PRSS50: variants seen among roughly 807,000 people sequenced by gnomAD.
PRSS50 encodes the protein probable threonine protease PRSS50.
A neutral mutation model predicts 34.2 loss-of-function variants in PRSS50; 23 were observed. The ratio of observed to expected loss-of-function variants is 0.67; its 90% CI spans 0.48 to 0.95. The LOEUF (loss-of-function observed/expected upper bound fraction) is 0.95, where lower values mean the gene tolerates loss of function less well. Among genes scored for constraint, PRSS50 ranks in the 40% least tolerant of loss-of-function variants. The pLI is 0.00. For missense variants in PRSS50, 484 were observed against 513.4 expected, an observed-to-expected ratio of 0.94 and a Z score of 0.55; for synonymous variants, 224 against 211.2, an observed-to-expected ratio of 1.06 and a Z score of -0.53.
Position 46,712,418 on chromosome 3 carries a change from C to A in PRSS50, c.986G>T (p.Ser329Ile), listed in dbSNP as rs1367678217. The change falls in exon 6 of 6, where the codon AGC becomes ATC. Residue 329 changes from serine (S) to isoleucine (I), a missense_variant. Ser to Ile is a moderately radical substitution (Grantham distance 142). Coordinates refer to ENST00000315170, the MANE Select transcript of PRSS50 (RefSeq NM_013270.5). Reference sequence around the variant, plus strand: ...GCTCTTCTGGCAGCCTGCACCCCAGCTCACCAATCCCACCAGGTACCACGT... The same window carrying A: ...GCTCTTCTGGCAGCCTGCACCCCAGATCACCAATCCCACCAGGTACCACGT... ...EGTWYLVGLV[S>I]WGAGCQKSEA... 1 of 1,614,090 alleles carries A rather than the reference C, an allele frequency of 6.2e-7. No homozygotes were observed. Among genetic ancestry groups the A allele is most frequent in the East Asian group, 2.2e-5 (1 of 44,862 alleles).
chr3:46,714,532 A>G (rs760424597), intron 3 of PRSS50, 31 bp from the exon 4 acceptor site: 2 of 1,524,746 alleles, frequency 1.3e-6, no homozygotes, highest in Admixed American at 3.8e-5. Flanking sequence ...GGCCATGATC[A>G]GCTCCAGGCC....
chr3:46,715,013 T>C lies in PRSS50; in HGVS notation c.471-512A>G, dbSNP rs1265929979. 6.6e-6 allele frequency among the ~76,000 whole-genome samples: 1 copy of C among 152,210 alleles called. No individual in the cohort carries two copies. The highest frequency in any genetic ancestry group is 1.5e-5 in the Non-Finnish European group (1 of 68,038). Reference sequence around the variant, plus strand: ...TGTCAGCTCTCACAGCCAGCACTCCTGGCCCCAAAACATCAGAACACTCCC... The same window carrying C: ...TGTCAGCTCTCACAGCCAGCACTCCCGGCCCCAAAACATCAGAACACTCCC... On this transcript the variant is annotated intron_variant, in intron 3 of 5. Transcript: ENST00000315170. The surrounding 1 kb of genome is among the most constrained non-coding windows in gnomAD (Gnocchi z 5.2).
chr3:46,717,853 C>A lies in PRSS50; in HGVS notation c.-29G>T, dbSNP rs1321427795. 6.9e-7 allele frequency: 1 copy of A among 1,458,550 alleles called. No individual in the cohort carries two copies. The highest frequency in any genetic ancestry group is 9.0e-7 in the Non-Finnish European group (1 of 1,107,076). The allele number at this position is 1,458,550 out of a possible 1,614,324, so 90.4% of individuals were successfully genotyped here. A position where few individuals can be genotyped will look rare whatever the true frequency, so the allele number is the denominator to read the frequency against. ...GGGGTGGCAGCCGACTGCGTCTCTC[C>A]GGAAGGCGCTCCCAGTGCCGCCCCC... is the stretch of plus-strand genomic sequence containing the variant. On this transcript the variant is annotated 5_prime_UTR_variant, in exon 1 of 6. Coordinates refer to ENST00000315170, the MANE Select transcript of PRSS50 (RefSeq NM_013270.5). This position sits in a 1 kb window ranked among gnomAD's most constrained non-coding sequence, Gnocchi z 4.5.
In PRSS50 at chr3:46,716,529, G is replaced by C. The variant is rs565422250; in HGVS notation, c.308-832C>G. The stretch of plus-strand genomic sequence containing the variant: ...TCTTACTGCCTCAGCCTCCAAAAGC[G>C]CTGGGATTATAAGCATGACCCACTA... On this transcript the variant is annotated intron_variant, in intron 2 of 5. Coordinates refer to ENST00000315170, the MANE Select transcript of PRSS50 (RefSeq NM_013270.5). This position sits in a 1 kb window ranked among gnomAD's most constrained non-coding sequence, Gnocchi z 4.4. 1.3e-5 allele frequency among the ~76,000 whole-genome samples: 2 copies of C among 152,124 alleles called. No homozygotes were observed. The highest frequency in any genetic ancestry group is 6.5e-5 in the Admixed American group (1 of 15,274).
rs900357065 is a variant in PRSS50, at chr3:46,715,594, G to C, written c.411C>G (p.Ile137Met). 5.6e-6 allele frequency: 9 copies of C among 1,613,772 alleles called. No homozygotes were observed. In the African/African-American group the frequency reaches 9.3e-5, roughly 17 times the overall value. Residue 137 changes from isoleucine to methionine, a missense_variant, in exon 3 of 6, where the codon ATC becomes ATG. Transcript: ENST00000315170. The surrounding 1 kb of genome is among the most constrained non-coding windows in gnomAD (Gnocchi z 5.2). ...GGGAGGCAATGATGGTGCCGGCACA[G>C]ATGTGTGTGCCATTGGCCCGCACGC... Reference protein sequence around the residue: ...MVSVRANGTHICAGTIIASQW... With the variant: ...MVSVRANGTHMCAGTIIASQW...
In PRSS50 at chr3:46,717,598, G is replaced by C. The variant is rs1228932432; in HGVS notation, c.146C>G (p.Thr49Ser). 1 of 1,613,542 alleles carries C rather than the reference G, an allele frequency of 6.2e-7. No individual in the cohort carries two copies. Among genetic ancestry groups the C allele is most frequent in the African/African-American group, 1.3e-5 (1 of 75,062 alleles). ...GACGCTCTGGTCGGCGGGATCAGCA[G>C]TGGACAGCGCCCCCGGGGCTTCCCC... ...GAGEAPGALS[T>S]ADPADQSVQC... The change falls in exon 2 of 6, where the codon ACT (threonine) becomes AGT (serine). Residue 49 changes from threonine to serine, a missense_variant. Physicochemically the swap from Thr to Ser is moderately conservative, Grantham distance 58 (BLOSUM62 1). Transcript: ENST00000315170. This position sits in a 1 kb window ranked among gnomAD's most constrained non-coding sequence, Gnocchi z 4.5.
Position 46,712,431 on chromosome 3 carries a change from C to T in PRSS50, c.973G>A (p.Val325Met), listed in dbSNP as rs1470342720. The T allele has an allele frequency of 1.9e-6, 3 of 1,614,132 alleles. No homozygotes were observed. The highest frequency in any genetic ancestry group is 2.5e-6 in the Non-Finnish European group (3 of 1,179,996). ...CCTGCACCCCAGCTCACCAATCCCACCAGGTACCACGTGCCCTCCATGGAG... is the reference window on the plus strand; with the variant it reads ...CCTGCACCCCAGCTCACCAATCCCATCAGGTACCACGTGCCCTCCATGGAG... The part of the protein sequence containing the change: ...VCSMEGTWYL[V>M]GLVSWGAGCQ... The change falls in exon 6 of 6, where the codon GTG (valine) becomes ATG (methionine). Residue 325 changes from valine (V) to methionine (M), a missense_variant. By Grantham distance (21) the Val-to-Met change is conservative. Transcript: ENST00000315170.
At position 46,712,190 on chromosome 3, in the gene PRSS50, C is replaced by G; in HGVS notation, c.*56G>C. The G allele has an allele frequency of 1.4e-6, 2 of 1,457,662 alleles. No homozygotes were observed. The highest frequency in any genetic ancestry group is 1.9e-6 in the Non-Finnish European group (2 of 1,061,942). The allele number at this position is 1,457,662 out of a possible 1,614,324, so 90.3% of individuals were successfully genotyped here. ...CTCAGGGCTGTGACAGCTGCACCCACAGCAACCTGGGCACGGAGGCAAGGG... is the reference window on the plus strand; with the variant it reads ...CTCAGGGCTGTGACAGCTGCACCCAGAGCAACCTGGGCACGGAGGCAAGGG... On this transcript the variant is annotated 3_prime_UTR_variant, in exon 6 of 6. Transcript: ENST00000315170.
intron 5 of PRSS50, among the ~76,000 whole-genome samples, 170 bp from the exon 6 acceptor site, chr3:46,712,652 C>G (rs1049905878): frequency 2.0e-5 from 3 of 151,618 alleles, no homozygotes; most frequent in African/African-American, 7.3e-5. Flanking sequence ...GGTTTCATCC[C>G]CCACCTCTTA....
In PRSS50 at chr3:46,714,841, T is replaced by C. The variant is rs570014948; in HGVS notation, c.471-340A>G. On this transcript the variant is annotated intron_variant, in intron 3 of 5. Coordinates refer to ENST00000315170, the MANE Select transcript of PRSS50 (RefSeq NM_013270.5). Reference sequence around the variant, plus strand: ...TCTACTCTCAGTCCATAGCATGGACTCTTTCACCCCATGCTGTGCCCTGGA... The same window carrying C: ...TCTACTCTCAGTCCATAGCATGGACCCTTTCACCCCATGCTGTGCCCTGGA... 6.2e-4 allele frequency among the ~76,000 whole-genome samples: 95 copies of C among 152,196 alleles called. 1 individual carries two copies. Among genetic ancestry groups the C allele is most frequent in the Admixed American group, 1.4e-3 (21 of 15,286 alleles).
chr3:46,714,524 C>T, intron 3 of PRSS50, 23 bp from the exon 4 acceptor site: 2 of 1,539,392 alleles, frequency 1.3e-6, no homozygotes. Flanking sequence ...TGAGGGGAGG[C>T]CATGATCAGC....
chr3:46,713,035 T>G lies in PRSS50; in HGVS notation c.787A>C (p.Lys263Gln). The G allele has an allele frequency of 6.2e-7, 1 of 1,614,084 alleles. No individual in the cohort carries two copies. The highest frequency in any genetic ancestry group is 8.5e-7 in the Non-Finnish European group (1 of 1,179,994). The change falls in exon 5 of 6, where the codon AAG becomes CAG. Residue 263 changes from lysine to glutamine, a missense_variant. Physicochemically the swap from Lys to Gln is moderately conservative, Grantham distance 53 (BLOSUM62 1). Transcript: ENST00000315170. ...MWPQFRTIQE[K>Q]EVIILNNKEC... ...TTGTTGTTCAGGATGATGACTTCCT[T>G]CTCCTGAATGGTCCGGAACTGAGGC...
In PRSS50 at chr3:46,712,369, C is replaced by T. The variant is rs1253319349; in HGVS notation, c.1035G>A (p.Gln345=). 1 of 1,613,936 alleles carries T rather than the reference C, an allele frequency of 6.2e-7. No individual in the cohort carries two copies. Among genetic ancestry groups the T allele is most frequent in the East Asian group, 2.2e-5 (1 of 44,812 alleles). ...QKSEAPPIYL[Q]VSSYQHWIWD... is the part of the protein sequence containing the mutation. ...AGATCCAGTGTTGGTAGGAGGAGAC[C>T]TGTAGGTAGATGGGTGGGGCCTCGC... Residue 345 remains glutamine, a synonymous_variant, in exon 6 of 6, where the codon CAG becomes CAA. Coordinates refer to ENST00000315170, the MANE Select transcript of PRSS50 (RefSeq NM_013270.5).
chr3:46,712,199 GGGCACGGA>G lies in PRSS50; in HGVS notation c.*39_*46del. The G allele has an allele frequency of 6.7e-7, 1 of 1,499,496 alleles. No individual in the cohort carries two copies. The highest frequency in any genetic ancestry group is 9.1e-7 in the Non-Finnish European group (1 of 1,094,250). The allele number at this position is 1,499,496 out of a possible 1,614,324, so 92.9% of individuals were successfully genotyped here. A position where few individuals can be genotyped will look rare whatever the true frequency, so the allele number is the denominator to read the frequency against. The stretch of plus-strand genomic sequence containing the variant: ...GTGACAGCTGCACCCACAGCAACCT[GGGCACGGA>G]GGCAAGGGGGGCCCACAAGTGAGGG... On this transcript the variant is annotated 3_prime_UTR_variant, in exon 6 of 6. Transcript: ENST00000315170.
chr3:46,712,966 G>A lies in PRSS50; in HGVS notation c.856C>T (p.Leu286=). 1 of 1,614,210 alleles carries A rather than the reference G, an allele frequency of 6.2e-7. No individual in the cohort carries two copies. The highest frequency in any genetic ancestry group is 1.1e-5 in the South Asian group (1 of 91,082). ...ATCTGGGACTTGATGATCTGAACCA[G>A]AGTGGGGATTTTGGTGAAGTTGTGG... ...FYHNFTKIPT[L]VQIIKSQMMC... is the part of the protein sequence containing the mutation. The change falls in exon 5 of 6, where the codon CTG becomes TTG. Residue 286 remains leucine, a synonymous_variant. Coordinates refer to ENST00000315170, the MANE Select transcript of PRSS50 (RefSeq NM_013270.5).
chr3:46,715,708 A>G lies in PRSS50; in HGVS notation c.308-11T>C, dbSNP rs1341867437. The G allele has an allele frequency of 2.5e-6, 4 of 1,580,180 alleles. No individual in the cohort carries two copies. The African/African-American group carries it at 5.4e-5, about 21-fold the overall frequency. The stretch of plus-strand genomic sequence containing the variant: ...AGGAAAAGCCACAGGCTGAGGAGGA[A>G]GGTGAGAGCTTGATGAGGGATGGAT... On this transcript the variant is annotated splice_polypyrimidine_tract_variant and intron_variant, in intron 2 of 5. Coordinates refer to ENST00000315170, the MANE Select transcript of PRSS50 (RefSeq NM_013270.5). The surrounding 1 kb of genome is among the most constrained non-coding windows in gnomAD (Gnocchi z 5.2).
rs758464196 is a variant in PRSS50, at chr3:46,714,341, T to C, written c.631A>G (p.Lys211Glu). 4 of 1,613,920 alleles carry C rather than the reference T, an allele frequency of 2.5e-6. No individual in the cohort carries two copies. In the Admixed American group the frequency reaches 6.7e-5, roughly 27 times the overall value. ...VGQANDIGLL[K>E]LKQELKYSNY... ...CTGTACTTGAGTTCCTGCTTGAGCT[T>C]GAGGAGGCCGATGTCGTTGGCCTGG... The change falls in exon 4 of 6, where the codon AAG becomes GAG. Residue 211 changes from lysine to glutamate, a missense_variant. Coordinates refer to ENST00000315170, the MANE Select transcript of PRSS50 (RefSeq NM_013270.5).
At position 46,716,677 on chromosome 3, in the gene PRSS50, C is replaced by G. The variant is rs958825513; in HGVS notation, c.307+760G>C. On this transcript the variant is annotated intron_variant, in intron 2 of 5. Coordinates refer to ENST00000315170, the MANE Select transcript of PRSS50 (RefSeq NM_013270.5). The surrounding 1 kb of genome is among the most constrained non-coding windows in gnomAD (Gnocchi z 4.4). The stretch of plus-strand genomic sequence containing the variant: ...AGGATTATCACCCAGAATGCCTACC[C>G]ACGGCTGGTGGGAGTGCTCACTGCT... 3.9e-5 allele frequency among the ~76,000 whole-genome samples: 6 copies of G among 152,302 alleles called. No individual in the cohort carries two copies. The highest frequency in any genetic ancestry group is 1.4e-4 in the African/African-American group (6 of 41,564).
At position 46,714,357 on chromosome 3, in the gene PRSS50, G is replaced by C. The variant is rs374975497; in HGVS notation, c.615C>G (p.Asn205Lys). 6.2e-7 allele frequency: 1 copy of C among 1,613,880 alleles called. No individual in the cohort carries two copies. The highest frequency in any genetic ancestry group is 1.7e-5 in the Admixed American group (1 of 60,002). Residue 205 changes from asparagine to lysine, a missense_variant, in exon 4 of 6, where the codon AAC becomes AAG. Asn to Lys is a moderately conservative substitution (Grantham distance 94, BLOSUM62 0). Coordinates refer to ENST00000315170, the MANE Select transcript of PRSS50 (RefSeq NM_013270.5). ...GCTTGAGCTTGAGGAGGCCGATGTC[G>C]TTGGCCTGGCCCACCCAGGACCAGA... is the stretch of plus-strand genomic sequence containing the variant. ...QRFWSWVGQA[N>K]DIGLLKLKQE... is the part of the protein sequence containing the mutation.
Sources: allele counts gnomAD v4.1 joint callset (sites outside exome capture counted in the v4.1 genomes callset), GRCh38; gene constraint gnomAD v4.1.1; non-coding constraint Gnocchi (gnomAD v3.1); transcripts MANE v1.5; gene names NCBI Gene and HGNC (gene_info 2026-07-23, HGNC 2026-07-21).